The following TSHZ2 variants were observed in gnomAD, a reference collection of about 807,000 sequenced individuals.
TSHZ2 encodes the protein teashirt homolog 2.
TSHZ2 carries 21 observed loss-of-function variants against 74.4 expected under a neutral mutation model. The observed-to-expected ratio is 0.28, with a 90% CI of 0.20 to 0.41. The LOEUF (loss-of-function observed/expected upper bound fraction) is 0.41. TSHZ2 is among the 10% of genes least tolerant of loss of function. The probability of loss-of-function intolerance (pLI) is 1.00; values close to 1 mark genes in which losing one functional copy is unlikely to be tolerated. For missense variants in TSHZ2, 1,244 were observed against 1,293.5 expected (o/e 0.96, Z 0.59); for synonymous variants, 540 against 515.3 (o/e 1.05, Z -0.65).
chr20:53,204,320 GAT>G (rs1989102576), intron 1 of TSHZ2, among the ~76,000 whole-genome samples: 1 of 137,312 alleles, frequency 7.3e-6, no homozygotes, highest in Non-Finnish European at 1.6e-5. Context: ...ATAACATGAT[GAT>G]ATGATACTAT....
chr20:53,460,340 C>G (rs895968121), intron 2 of TSHZ2, among the ~76,000 whole-genome samples: 3 of 151,978 alleles, frequency 2.0e-5, no homozygotes, highest in Non-Finnish European at 4.4e-5. Flanking sequence ...TTGATCGCAT[C>G]GGCTCCTGAG....
chr20:53,167,759 C>T (rs916115774), intron 1 of TSHZ2, among the ~76,000 whole-genome samples: 27 of 152,268 alleles, frequency 1.8e-4, no homozygotes, highest in Admixed American at 1.8e-3. Context: ...GAGAGGTGAA[C>T]TTTGCAGCAC....
intron 2 of TSHZ2, among the ~76,000 whole-genome samples, chr20:53,320,730 G>A (rs113487499): frequency 0.011 from 1,695 of 152,216 alleles, 30 homozygotes; most frequent in African/African-American, 0.034. Context: ...AATTAAAAAA[G>A]GAATTGTCCT....
At chr20:53,452,724 T>C (rs952539117) in intron 2 of TSHZ2, among the ~76,000 whole-genome samples, 4 of 152,064 alleles carry the variant, frequency 2.6e-5, no homozygotes, top group African/African-American at 9.7e-5. Flanking sequence ...CAAGATAGCA[T>C]AGTATAAAAC....
chr20:52,984,266 G>T (rs904180998), intron 1 of TSHZ2, among the ~76,000 whole-genome samples: 7 of 152,126 alleles, frequency 4.6e-5, no homozygotes, highest in African/African-American at 1.7e-4. Flanking sequence ...CTGCCTTCCC[G>T]GAGCTTACAT....
intron 1 of TSHZ2, among the ~76,000 whole-genome samples, chr20:53,192,303 A>T (rs983574217): frequency 6.6e-6 from 1 of 152,046 alleles, no homozygotes; most frequent in Non-Finnish European, 1.5e-5. Context: ...AAAAAAAAAA[A>T]AAAACAAAAA....
chr20:53,211,757 A>G (rs1427854831), intron 1 of TSHZ2, among the ~76,000 whole-genome samples: 5 of 152,168 alleles, frequency 3.3e-5, no homozygotes, highest in African/African-American at 1.2e-4. Flanking sequence ...AAAATATTTT[A>G]TCATCGTAGA....
chr20:53,054,169 A>G (rs1246407288), intron 1 of TSHZ2, among the ~76,000 whole-genome samples: 2 of 152,166 alleles, frequency 1.3e-5, no homozygotes, highest in Non-Finnish European at 1.5e-5. Context: ...AGCCTGACAA[A>G]CTTCTCCCTT....
chr20:52,984,127 G>A (rs569572953), intron 1 of TSHZ2, among the ~76,000 whole-genome samples: 6 of 152,330 alleles, frequency 3.9e-5, no homozygotes, highest in African/African-American at 1.4e-4. Context: ...TGGAGAGCAC[G>A]GGGGAGATTC....
At chr20:53,452,415 C>T (rs985340734) in intron 2 of TSHZ2, among the ~76,000 whole-genome samples, 2 of 152,096 alleles carry the variant, frequency 1.3e-5, no homozygotes, top group African/African-American at 2.4e-5. Context: ...GCCTGGCCAA[C>T]GTGGTGAAAC....
chr20:53,236,875 C>T (rs931794278), intron 1 of TSHZ2, among the ~76,000 whole-genome samples: 1 of 152,164 alleles, frequency 6.6e-6, no homozygotes, highest in Admixed American at 6.5e-5. Flanking sequence ...TGAGAATTCA[C>T]TCACTATTAT....
chr20:53,390,420 A>G (rs1484080096), intron 2 of TSHZ2, among the ~76,000 whole-genome samples: 1 of 152,256 alleles, frequency 6.6e-6, no homozygotes, highest in Non-Finnish European at 1.5e-5. Context: ...GAGCCACAGA[A>G]AGCCAGGGAA....
At chr20:53,429,123 C>A (rs1983752453) in intron 2 of TSHZ2, among the ~76,000 whole-genome samples, 2 of 152,120 alleles carry the variant, frequency 1.3e-5, no homozygotes, top group Non-Finnish European at 1.5e-5. Flanking sequence ...CAAGAAATAA[C>A]CCACTGCCTC....
At chr20:53,387,883 C>G (rs1349465283) in intron 2 of TSHZ2, among the ~76,000 whole-genome samples, 1 of 152,016 alleles carries the variant, frequency 6.6e-6, no homozygotes, top group Non-Finnish European at 1.5e-5. Flanking sequence ...CCTATCTCTA[C>G]TAAAATACAA....
chr20:53,449,903 T>C (rs991772578), intron 2 of TSHZ2, among the ~76,000 whole-genome samples: 2 of 152,238 alleles, frequency 1.3e-5, no homozygotes, highest in African/African-American at 4.8e-5. Context: ...CTTTTTGTTA[T>C]GTGCTTTGCA....
chr20:53,251,518 C>T (rs540511295), intron 1 of TSHZ2, among the ~76,000 whole-genome samples: 11 of 152,126 alleles, frequency 7.2e-5, no homozygotes, highest in South Asian at 2.1e-4. Context: ...AAGTTGTGAC[C>T]GCTTATTAAT....
intron 1 of TSHZ2, among the ~76,000 whole-genome samples, chr20:53,150,561 G>T (rs1987651100): frequency 1.3e-5 from 2 of 151,922 alleles, no homozygotes; most frequent in South Asian, 4.1e-4. Flanking sequence ...TTACTAGCTG[G>T]TCCTTCACAG....
At chr20:53,164,555 C>T (rs373464288) in intron 1 of TSHZ2, among the ~76,000 whole-genome samples, 14 of 152,298 alleles carry the variant, frequency 9.2e-5, no homozygotes, top group African/African-American at 3.4e-4. Flanking sequence ...TGTATGTCTA[C>T]ACTAGTAGCA....
intron 2 of TSHZ2, among the ~76,000 whole-genome samples, chr20:53,329,968 G>GT (rs1350938035): frequency 6.6e-6 from 1 of 152,108 alleles, no homozygotes; most frequent in Non-Finnish European, 1.5e-5. Context: ...CCCACTGCCT[G>GT]TTTTATAAAT....
Sources: gnomAD v4.1 joint callset for allele counts (sites outside exome capture counted in the v4.1 genomes callset) on GRCh38, gnomAD v4.1.1 for gene constraint, MANE v1.5 for transcripts, NCBI Gene and HGNC (gene_info 2026-07-23, HGNC 2026-07-21) for gene names.